Variants in ASTN1 observed in about 807,000 individuals in gnomAD.
ASTN1 encodes the protein astrotactin-1.
ASTN1 carries 41 observed loss-of-function variants against 140.7 expected under a neutral mutation model. The observed-to-expected ratio is 0.29, with a 90% CI of 0.23 to 0.38. The LOEUF (loss-of-function observed/expected upper bound fraction) is 0.38. Among genes scored for constraint, ASTN1 ranks in the 10% least tolerant of loss-of-function variants. ASTN1 has a pLI of 1.00. For synonymous variants in ASTN1, 640 were observed against 652.2 expected, an observed-to-expected ratio of 0.98 and a Z score of 0.29; for missense variants, 1,479 against 1,678.8, an observed-to-expected ratio of 0.88 and a Z score of 2.08.
In ASTN1 at chr1:176,862,865, C is replaced by G. The variant is rs1280489095; in HGVS notation, c.*1419G>C. 9 of 985,322 alleles carry G rather than the reference C, an allele frequency of 9.1e-6. No individual in the cohort carries two copies. The highest frequency in any genetic ancestry group is 3.5e-5 in the African/African-American group (2 of 57,244). The allele number at this position is 985,322 out of a possible 1,614,324, so 61.0% of individuals were successfully genotyped here. On this transcript the variant is annotated 3_prime_UTR_variant, in exon 23 of 23. Coordinates refer to ENST00000361833, the MANE Select transcript of ASTN1 (RefSeq NM_004319.3). Reference sequence around the variant, plus strand: ...AAAACCAATATAGCTCAATGACTAGCCTTATAGGTCTTGCATCTGTTTGCT... The same window carrying G: ...AAAACCAATATAGCTCAATGACTAGGCTTATAGGTCTTGCATCTGTTTGCT...
intron 8 of ASTN1, among the ~76,000 whole-genome samples, chr1:176,986,315 G>A (rs12058940): frequency 0.033 from 5,026 of 152,254 alleles, 277 homozygotes; most frequent in African/African-American, 0.12. Context: ...GAGAGGTAAT[G>A]ATTATTAACA....
intron 1 of ASTN1, among the ~76,000 whole-genome samples, chr1:177,141,496 A>G (rs1006794886): frequency 2.0e-5 from 3 of 152,312 alleles, no homozygotes; most frequent in Non-Finnish European, 2.9e-5. Context: ...GGCAGCACTC[A>G]GCCCTTTTCA....
At chr1:177,158,655 C>CGTGTGTGT (rs34610563) in intron 1 of ASTN1, among the ~76,000 whole-genome samples, 35 of 142,706 alleles carry the variant, frequency 2.5e-4, no homozygotes, top group Middle Eastern at 3.5e-3. Context: ...GAAAAAAGTA[C>CGTGTGTGT]GTGTGTGTGT....
At chr1:176,880,139 T>A (rs1417452812) in intron 20 of ASTN1, among the ~76,000 whole-genome samples, 1 of 152,212 alleles carries the variant, frequency 6.6e-6, no homozygotes, top group Non-Finnish European at 1.5e-5. Flanking sequence ...CTTCCACTGC[T>A]GCCTGGCTGG....
At chr1:177,049,067 C>T (rs1053730694) in intron 2 of ASTN1, among the ~76,000 whole-genome samples, 2 of 152,202 alleles carry the variant, frequency 1.3e-5, no homozygotes, top group African/African-American at 4.8e-5. Flanking sequence ...AAAAGAAAAG[C>T]AGAGTTGCTG....
intron 2 of ASTN1, among the ~76,000 whole-genome samples, chr1:177,056,562 C>CATATATATAT (rs146444597): frequency 2.9e-5 from 4 of 136,318 alleles, no homozygotes; most frequent in African/African-American, 5.4e-5. Context: ...AGAAAAATTT[C>CATATATATAT]ATATATATAT....
At chr1:176,941,556 T>G (rs568149042) in intron 14 of ASTN1, among the ~76,000 whole-genome samples, 1 of 152,304 alleles carries the variant, frequency 6.6e-6, no homozygotes, top group Non-Finnish European at 1.5e-5. Flanking sequence ...AGGAAGTACT[T>G]TCTATCGTGA....
At chr1:176,946,458 T>A (rs1483679662) in intron 12 of ASTN1, among the ~76,000 whole-genome samples, 1 of 152,150 alleles carries the variant, frequency 6.6e-6, no homozygotes, top group Non-Finnish European at 1.5e-5. Context: ...AGTTAGCACA[T>A]TTAAATCCAA....
chr1:176,993,820 A>G (rs1674303901), intron 8 of ASTN1, among the ~76,000 whole-genome samples: 1 of 152,160 alleles, frequency 6.6e-6, no homozygotes, highest in Non-Finnish European at 1.5e-5. Context: ...TCATTCACTC[A>G]TTCATTCAGT....
chr1:176,965,046 C>G (rs117508282), intron 9 of ASTN1, 117 bp downstream of exon 9: 6 of 931,418 alleles, frequency 6.4e-6, no homozygotes, highest in Non-Finnish European at 1.0e-5. Flanking sequence ...AGCAGGTGGT[C>G]GTGACAACTC....
At chr1:176,948,252 A>G (rs1672035177) in intron 12 of ASTN1, among the ~76,000 whole-genome samples, 2 of 150,102 alleles carry the variant, frequency 1.3e-5, no homozygotes, top group South Asian at 4.3e-4. Flanking sequence ...TTTGTGGCAT[A>G]AAGTAAGTTC....
At chr1:177,067,390 A>C (rs986351688) in intron 1 of ASTN1, among the ~76,000 whole-genome samples, 1 of 152,188 alleles carries the variant, frequency 6.6e-6, no homozygotes, top group African/African-American at 2.4e-5. Flanking sequence ...ACTGTCAAAC[A>C]CTAAGAATAA....
chr1:177,150,546 G>A (rs1196300221), intron 1 of ASTN1, among the ~76,000 whole-genome samples: 1 of 152,120 alleles, frequency 6.6e-6, no homozygotes, highest in African/African-American at 2.4e-5. Context: ...AATAAAAGTG[G>A]CATTGAAACT....
intron 16 of ASTN1, among the ~76,000 whole-genome samples, chr1:176,910,697 G>T (rs1458697525): frequency 6.6e-6 from 1 of 152,142 alleles, no homozygotes; most frequent in Admixed American, 6.5e-5. Flanking sequence ...TAGGTATATG[G>T]TGTAGCACAG....
intron 16 of ASTN1, among the ~76,000 whole-genome samples, chr1:176,929,972 C>T (rs1025308114): frequency 3.3e-5 from 5 of 152,166 alleles, no homozygotes; most frequent in African/African-American, 7.2e-5. Context: ...CGCACCACTG[C>T]ACTCCAGCCT....
At chr1:177,021,396 G>T (rs186310464) in intron 7 of ASTN1, among the ~76,000 whole-genome samples, 1 of 152,352 alleles carries the variant, frequency 6.6e-6, no homozygotes, top group East Asian at 1.9e-4. Context: ...GAGCTTTGCT[G>T]TAGACAAGCA....
chr1:176,940,929 G>T (rs1242268646), intron 14 of ASTN1, among the ~76,000 whole-genome samples: 2 of 152,206 alleles, frequency 1.3e-5, no homozygotes, highest in Non-Finnish European at 2.9e-5. Flanking sequence ...TAATGTCGAG[G>T]TGTTGTCTAT....
chr1:176,863,261 T>A lies in ASTN1; in HGVS notation c.*1023A>T, dbSNP rs1045792511. 2.0e-6 allele frequency: 2 copies of A among 985,646 alleles called. No individual in the cohort carries two copies. The highest frequency in any genetic ancestry group is 3.5e-5 in the African/African-American group (2 of 57,202). The allele number at this position is 985,646 out of a possible 1,614,324, so 61.1% of individuals were successfully genotyped here. On this transcript the variant is annotated 3_prime_UTR_variant, in exon 23 of 23. Transcript: ENST00000361833. ...TTAGCAAGGTGGGGATGAACAGAAGTTTTTTGTGATCAATAATAGCTTTAG... is the reference window on the plus strand; with the variant it reads ...TTAGCAAGGTGGGGATGAACAGAAGATTTTTGTGATCAATAATAGCTTTAG...
chr1:177,015,506 G>A (rs576547494), intron 7 of ASTN1, among the ~76,000 whole-genome samples: 76 of 152,182 alleles, frequency 5.0e-4, no homozygotes, highest in African/African-American at 1.8e-3. Flanking sequence ...TGGTTTTAAA[G>A]GAACTCTGGG....
Sources: allele counts gnomAD v4.1 joint callset (sites outside exome capture counted in the v4.1 genomes callset), GRCh38; gene constraint gnomAD v4.1.1; transcripts MANE v1.5; gene names NCBI Gene and HGNC (gene_info 2026-07-23, HGNC 2026-07-21).